The following CDC42BPA variants were observed in gnomAD, a reference collection of about 807,000 sequenced individuals.
CDC42BPA encodes the protein CDC42 binding protein kinase alpha, also known as serine/threonine-protein kinase MRCK alpha.
In CDC42BPA, 80 loss-of-function variants were observed where a neutral mutation model predicts 223.5. That is an observed-to-expected ratio of 0.36 (90% CI 0.30 to 0.43). The LOEUF (loss-of-function observed/expected upper bound fraction) is 0.43. CDC42BPA is among the 20% of genes least tolerant of loss of function. CDC42BPA has a pLI of 1.00. For synonymous variants in CDC42BPA, 694 were observed against 718.6 expected, an observed-to-expected ratio of 0.97 and a Z score of 0.55; for missense variants, 1,743 against 2,099.9, an observed-to-expected ratio of 0.83 and a Z score of 3.32.
intron 2 of CDC42BPA, among the ~76,000 whole-genome samples, chr1:227,241,795 T>C (rs1298747185): frequency 1.3e-5 from 2 of 152,132 alleles, no homozygotes; most frequent in African/African-American, 4.8e-5. Flanking sequence ...TATTTCAATG[T>C]ATGTAAAATT....
chr1:227,213,119 A>G lies in CDC42BPA; in HGVS notation c.354+17T>C, dbSNP rs1469768215. On this transcript the variant is annotated intron_variant, in intron 3 of 36. Coordinates refer to ENST00000366766, the MANE Select transcript of CDC42BPA (RefSeq NM_001394014.1). ...ATTTCTAAAATATTTATATATTCCA[A>G]TACATAAGACTCTTACCTCAGCTCT... The G allele has an allele frequency of 1.6e-6, 2 of 1,218,702 alleles. No individual in the cohort carries two copies. Among genetic ancestry groups the G allele is most frequent in the Non-Finnish European group, 2.4e-6 (2 of 846,840 alleles). The allele number at this position is 1,218,702 out of a possible 1,614,324, so 75.5% of individuals were successfully genotyped here.
intron 35 of CDC42BPA, 157 bp downstream of exon 35, chr1:227,004,837 C>T: frequency 1.3e-6 from 1 of 751,288 alleles, no homozygotes. Flanking sequence ...TGCATTTGTG[C>T]CTATTAGGCA....
chr1:227,027,889 G>C (rs561727874), intron 30 of CDC42BPA, among the ~76,000 whole-genome samples: 4 of 152,248 alleles, frequency 2.6e-5, no homozygotes, highest in African/African-American at 9.6e-5. Context: ...AGCCAAGTTG[G>C]GAGGATTGCT....
chr1:227,296,407 C>T (rs1480650931), intron 1 of CDC42BPA, among the ~76,000 whole-genome samples: 2 of 151,982 alleles, frequency 1.3e-5, no homozygotes, highest in Non-Finnish European at 2.9e-5. Flanking sequence ...AAACACAAAA[C>T]TTTTGGGAAA....
chr1:227,256,950 C>CACAG (rs1683162952), intron 1 of CDC42BPA, among the ~76,000 whole-genome samples: 1 of 42,034 alleles, frequency 2.4e-5, no homozygotes, highest in Non-Finnish European at 5.7e-5. Flanking sequence ...TATATACAGA[C>CACAG]ACACACACAC....
At chr1:227,163,045 CATAT>C (rs1302864186) in intron 5 of CDC42BPA, among the ~76,000 whole-genome samples, 2 of 105,084 alleles carry the variant, frequency 1.9e-5, no homozygotes, top group African/African-American at 3.5e-5. Flanking sequence ...TGTTTCCAAA[CATAT>C]GTGTATGTTT....
intron 16 of CDC42BPA, among the ~76,000 whole-genome samples, chr1:227,087,215 TTTGAG>T (rs147432803): frequency 0.088 from 13,461 of 152,216 alleles, 699 homozygotes; most frequent in East Asian, 0.15. Flanking sequence ...TGTGATCCAC[TTTGAG>T]TTAATTTTTG....
At chr1:227,268,679 T>TAC (rs1162059011) in intron 1 of CDC42BPA, among the ~76,000 whole-genome samples, 76 of 143,252 alleles carry the variant, frequency 5.3e-4, no homozygotes, top group East Asian at 4.9e-3. Flanking sequence ...TATATATATA[T>TAC]ACACACACAC....
chr1:227,278,044 C>G (rs1397582989), intron 1 of CDC42BPA, among the ~76,000 whole-genome samples: 1 of 152,222 alleles, frequency 6.6e-6, no homozygotes. Flanking sequence ...CCACCGCACC[C>G]AGCCACCCTT....
intron 10 of CDC42BPA, among the ~76,000 whole-genome samples, chr1:227,130,157 A>T (rs1441633210): frequency 6.6e-6 from 1 of 152,222 alleles, no homozygotes; most frequent in Admixed American, 6.5e-5. Flanking sequence ...CAGAAATGAA[A>T]TTGCCCTTTG....
chr1:227,269,020 T>C (rs535119646), intron 1 of CDC42BPA, among the ~76,000 whole-genome samples: 2 of 152,258 alleles, frequency 1.3e-5, no homozygotes, highest in African/African-American at 4.8e-5. Flanking sequence ...AAGTCTGGTA[T>C]TAGAAAAGAG....
At chr1:227,298,248 C>T (rs1282485693) in intron 1 of CDC42BPA, among the ~76,000 whole-genome samples, 2 of 151,640 alleles carry the variant, frequency 1.3e-5, no homozygotes, top group African/African-American at 4.8e-5. Context: ...ACAGTTAAAG[C>T]ACATCCAAGA....
chr1:227,074,897 A>C (rs1679141294), intron 17 of CDC42BPA, among the ~76,000 whole-genome samples: 1 of 152,240 alleles, frequency 6.6e-6, no homozygotes, highest in East Asian at 1.9e-4. Context: ...AAAGTCTACC[A>C]AAACCTAATT....
At chr1:226,999,095 T>C (rs1428163192) in intron 35 of CDC42BPA, among the ~76,000 whole-genome samples, 3 of 151,794 alleles carry the variant, frequency 2.0e-5, no homozygotes, top group African/African-American at 4.8e-5. Flanking sequence ...CACAATGAGA[T>C]AGCATCTCAT....
chr1:227,161,825 GT>G (rs1663958444), intron 5 of CDC42BPA, among the ~76,000 whole-genome samples: 1 of 152,142 alleles, frequency 6.6e-6, no homozygotes, highest in South Asian at 2.1e-4. Flanking sequence ...TATAGAAAAA[GT>G]TTTCAAACCC....
intron 11 of CDC42BPA, among the ~76,000 whole-genome samples, chr1:227,123,108 G>A (rs1286265449): frequency 6.6e-6 from 1 of 152,144 alleles, no homozygotes; most frequent in African/African-American, 2.4e-5. Context: ...TTCAAGACCA[G>A]CCCGGCTAAC....
chr1:227,190,200 T>C (rs1669482063), intron 5 of CDC42BPA, among the ~76,000 whole-genome samples: 1 of 152,164 alleles, frequency 6.6e-6, no homozygotes, highest in South Asian at 2.1e-4. Flanking sequence ...CAGAGTCTTC[T>C]CATCCTTCAA....
chr1:227,006,708 G>A (rs530186844), intron 34 of CDC42BPA, among the ~76,000 whole-genome samples: 1 of 152,190 alleles, frequency 6.6e-6, no homozygotes, highest in East Asian at 1.9e-4. Flanking sequence ...AGACTGAGGT[G>A]GGCAGATCAC....
chr1:227,221,952 T>C (rs1675966886), intron 2 of CDC42BPA, among the ~76,000 whole-genome samples: 1 of 149,206 alleles, frequency 6.7e-6, no homozygotes, highest in African/African-American at 2.5e-5. Context: ...TGGTGGCTCA[T>C]GCTTATAATC....
Sources: gnomAD v4.1 joint callset for allele counts (sites outside exome capture counted in the v4.1 genomes callset) on GRCh38, gnomAD v4.1.1 for gene constraint, MANE v1.5 for transcripts, NCBI Gene and HGNC (gene_info 2026-07-23, HGNC 2026-07-21) for gene names.